ADIPOR2: variants seen among roughly 807,000 people sequenced by gnomAD.
ADIPOR2 encodes adiponectin receptor protein 2.
Under a neutral mutation model 40.9 loss-of-function variants are expected in ADIPOR2, and 18 were observed. The observed-to-expected ratio is 0.44, with a 90% confidence interval of 0.30 to 0.65. The LOEUF (loss-of-function observed/expected upper bound fraction) is 0.65, where lower values mean the gene tolerates loss of function less well. ADIPOR2 is among the 30% of genes least tolerant of loss of function. The pLI, the probability that ADIPOR2 is intolerant of heterozygous loss-of-function variation, is 0.09. For synonymous variants in ADIPOR2, 165 were observed against 166.4 expected, an observed-to-expected ratio of 0.99 and a Z score of 0.06; for missense variants, 283 against 479.2, an observed-to-expected ratio of 0.59 and a Z score of 3.82.
chr12:1,762,565 C>T lies in ADIPOR2; in HGVS notation c.171+8051C>T, dbSNP rs139206821. On this transcript the variant is annotated intron_variant, in intron 2 of 7. Transcript: ENST00000357103. ...GATGTACAAAAGGAGCACGTGGGGA[C>T]GTATACTATTTAGATGCTTAGGGAA... Among the ~76,000 whole-genome samples, 84 of 152,256 alleles carry T rather than the reference C, an allele frequency of 5.5e-4. 2 individuals carry two copies. The South Asian group carries it at 7.9e-3, about 14-fold the overall frequency.
intron 1 of ADIPOR2, among the ~76,000 whole-genome samples, chr12:1,724,024 C>T (rs1418292196): frequency 2.0e-5 from 3 of 151,776 alleles, no homozygotes; most frequent in Non-Finnish European, 2.9e-5. Flanking sequence ...CACTGTTGCC[C>T]GGGCTGAAGT....
chr12:1,772,989 A>G, intron 3 of ADIPOR2, 28 bp downstream of exon 3: 1 of 1,610,050 alleles, frequency 6.2e-7, no homozygotes, highest in East Asian at 2.2e-5. Flanking sequence ...TGTCATTGTC[A>G]TGCTATATAT....
At chr12:1,764,893 G>C (rs1434477995) in intron 2 of ADIPOR2, among the ~76,000 whole-genome samples, 2 of 152,036 alleles carry the variant, frequency 1.3e-5, no homozygotes, top group African/African-American at 2.4e-5. Context: ...TTATTGGTCT[G>C]TGTTATTTCT....
At chr12:1,729,617 GTT>G (rs56921758) in intron 1 of ADIPOR2, among the ~76,000 whole-genome samples, 15 of 88,988 alleles carry the variant, frequency 1.7e-4, no homozygotes, top group African/African-American at 4.9e-4. Flanking sequence ...TCAGCCAGTT[GTT>G]TTTTTTTTTT....
chr12:1,699,901 G>T (rs2094646832), intron 1 of ADIPOR2, among the ~76,000 whole-genome samples: 1 of 152,176 alleles, frequency 6.6e-6, no homozygotes, highest in Non-Finnish European at 1.5e-5. Context: ...TGTTAGAAGG[G>T]GATATATGTT....
intron 1 of ADIPOR2, among the ~76,000 whole-genome samples, chr12:1,752,763 C>T (rs988460173): frequency 6.6e-6 from 1 of 152,152 alleles, no homozygotes; most frequent in African/African-American, 2.4e-5. Flanking sequence ...TGTTGATTCT[C>T]AGTAAATGTT....
At chr12:1,695,531 C>T (rs539167546) in intron 1 of ADIPOR2, among the ~76,000 whole-genome samples, 226 of 151,890 alleles carry the variant, frequency 1.5e-3, no homozygotes, top group Middle Eastern at 3.4e-3. Context: ...GGTATGGTGG[C>T]GCGCGCCTGT....
intron 7 of ADIPOR2, among the ~76,000 whole-genome samples, chr12:1,784,401 G>A (rs535060084): frequency 2.0e-5 from 3 of 152,346 alleles, no homozygotes; most frequent in African/African-American, 7.2e-5. Context: ...ACTTGTCCAA[G>A]CCATGTGGCT....
At chr12:1,717,762 A>G (rs886643800) in intron 1 of ADIPOR2, among the ~76,000 whole-genome samples, 9 of 152,132 alleles carry the variant, frequency 5.9e-5, no homozygotes, top group African/African-American at 1.4e-4. Context: ...CAAGTTGACT[A>G]TGTAGGCTTT....
chr12:1,727,856 T>C (rs2094711095), intron 1 of ADIPOR2, among the ~76,000 whole-genome samples: 1 of 147,364 alleles, frequency 6.8e-6, no homozygotes. Context: ...AGGAACACTG[T>C]TTAAAAAAAA....
At chr12:1,721,331 T>G (rs1267110085) in intron 1 of ADIPOR2, among the ~76,000 whole-genome samples, 1 of 136,560 alleles carries the variant, frequency 7.3e-6, no homozygotes, top group Non-Finnish European at 1.5e-5. Flanking sequence ...TTCTCTTCCC[T>G]CAGCCTCCTG....
chr12:1,740,382 C>T (rs2094740150), intron 1 of ADIPOR2, among the ~76,000 whole-genome samples: 1 of 152,166 alleles, frequency 6.6e-6, no homozygotes, highest in African/African-American at 2.4e-5. Flanking sequence ...CCTATCACCC[C>T]TCTCCTTGGC....
intron 4 of ADIPOR2, chr12:1,780,167 C>T (rs1862685929): frequency 3.6e-6 from 1 of 276,976 alleles, no homozygotes; most frequent in Non-Finnish European, 6.6e-6. Context: ...TTCATTATAT[C>T]TTCTAAGAAG....
chr12:1,764,481 T>C (rs1862332063), intron 2 of ADIPOR2, among the ~76,000 whole-genome samples: 2 of 152,056 alleles, frequency 1.3e-5, no homozygotes, highest in Admixed American at 6.6e-5. Flanking sequence ...CCTGATCTCT[T>C]CTGTATCATT....
chr12:1,759,690 T>A (rs1235509252), intron 2 of ADIPOR2, among the ~76,000 whole-genome samples: 1 of 152,146 alleles, frequency 6.6e-6, no homozygotes, highest in Non-Finnish European at 1.5e-5. Flanking sequence ...GTCCTGGGTA[T>A]ATTTTTTTTG....
chr12:1,733,888 T>C (rs955548270), intron 1 of ADIPOR2, among the ~76,000 whole-genome samples: 8 of 152,234 alleles, frequency 5.3e-5, no homozygotes, highest in East Asian at 3.9e-4. Context: ...GATAGTTTGC[T>C]GAGAATGATG....
At chr12:1,761,647 A>G (rs944285476) in intron 2 of ADIPOR2, among the ~76,000 whole-genome samples, 2 of 152,242 alleles carry the variant, frequency 1.3e-5, no homozygotes, top group Non-Finnish European at 1.5e-5. Flanking sequence ...GATTTTAAGT[A>G]TTAACCTCTT....
chr12:1,773,034 TG>T (rs1862519199), intron 3 of ADIPOR2, 73 bp downstream of exon 3: 1 of 1,536,060 alleles, frequency 6.5e-7, no homozygotes, highest in Admixed American at 1.9e-5. Flanking sequence ...TTAAAGAGAG[TG>T]GTAGTACTAT....
chr12:1,761,997 G>A (rs983602977), intron 2 of ADIPOR2, among the ~76,000 whole-genome samples: 1 of 152,152 alleles, frequency 6.6e-6, no homozygotes, highest in Non-Finnish European at 1.5e-5. Flanking sequence ...TGCCCTATCT[G>A]GCCAACTTCA....
Sources: allele counts gnomAD v4.1 joint callset (sites outside exome capture counted in the v4.1 genomes callset), GRCh38; gene constraint gnomAD v4.1.1; transcripts MANE v1.5; gene names NCBI Gene and HGNC (gene_info 2026-07-23, HGNC 2026-07-21).